The following HMG20A variants were observed in gnomAD, a reference collection of about 807,000 sequenced individuals.
The protein encoded by HMG20A is high mobility group protein 20A.
Under a neutral mutation model 43.9 loss-of-function variants are expected in HMG20A, and 17 were observed. That is an observed-to-expected ratio of 0.39 (90% CI 0.27 to 0.58). The LOEUF (loss-of-function observed/expected upper bound fraction) is 0.58, where lower values mean the gene tolerates loss of function less well. HMG20A is among the 20% of genes least tolerant of loss of function. The probability of loss-of-function intolerance (pLI) is 0.59; values close to 1 mark genes in which losing one functional copy is unlikely to be tolerated. For missense variants in HMG20A, 341 were observed against 438.2 expected (o/e 0.78, Z 1.98); for synonymous variants, 132 against 147.5 (o/e 0.89, Z 0.76).
chr15:77,480,718 CCTT>C (rs1342013811), intron 9 of HMG20A, among the ~76,000 whole-genome samples: 1 of 131,320 alleles, frequency 7.6e-6, no homozygotes, highest in East Asian at 2.3e-4. Flanking sequence ...TAGTATGTAT[CCTT>C]TTTTTTTTTT....
At chr15:77,516,100 G>A in the HMG20A span, among the ~76,000 whole-genome samples, 1 of 152,164 alleles carries the variant, frequency 6.6e-6, no homozygotes, top group Non-Finnish European at 1.5e-5. Flanking sequence ...CACTGGGCAA[G>A]GTATAAATAC....
Position 77,479,321 on chromosome 15 carries a change from G to A in HMG20A, c.*6G>A. 1 of 1,613,172 alleles carries A rather than the reference G, an allele frequency of 6.2e-7. No individual in the cohort carries two copies. Among genetic ancestry groups the A allele is most frequent in the Non-Finnish European group, 8.5e-7 (1 of 1,179,696 alleles). On this transcript the variant is annotated splice_region_variant and 3_prime_UTR_variant, in exon 9 of 10. Coordinates refer to ENST00000336216, the MANE Select transcript of HMG20A (RefSeq NM_001304504.2). The stretch of plus-strand genomic sequence containing the variant: ...TGAACAGACTCGATCGTTAGGGAAT[G>A]GTGAGTGCTCACTGATAAATATTTA...
At chr15:77,435,495 T>C (rs2073536470) in intron 1 of HMG20A, among the ~76,000 whole-genome samples, 1 of 152,244 alleles carries the variant, frequency 6.6e-6, no homozygotes, top group East Asian at 1.9e-4. Context: ...GGTTTCACCA[T>C]GTTGGCCAGG....
the HMG20A span, among the ~76,000 whole-genome samples, chr15:77,495,444 G>C: frequency 5.3e-5 from 8 of 152,212 alleles, no homozygotes; most frequent in African/African-American, 1.9e-4. Flanking sequence ...AGCTACTCGG[G>C]AGGCTGAGGC....
intron 2 of HMG20A, among the ~76,000 whole-genome samples, chr15:77,461,864 C>T (rs986721609): frequency 2.0e-5 from 3 of 152,132 alleles, no homozygotes; most frequent in African/African-American, 4.8e-5. Context: ...AGTTGCCTAA[C>T]ACATCTAAAA....
At chr15:77,423,253 T>A (rs1343298541) in intron 1 of HMG20A, among the ~76,000 whole-genome samples, 1 of 152,142 alleles carries the variant, frequency 6.6e-6, no homozygotes, top group East Asian at 1.9e-4. Flanking sequence ...TGGCAGTTAT[T>A]CATTGGTTCC....
intron 6 of HMG20A, among the ~76,000 whole-genome samples, chr15:77,472,293 G>A (rs2072816546): frequency 6.6e-6 from 1 of 151,828 alleles, no homozygotes; most frequent in Admixed American, 6.6e-5. Context: ...TTGTTTTTTT[G>A]AGATAGAGTC....
chr15:77,487,155 C>T (rs1042188157), downstream of HMG20A, among the ~76,000 whole-genome samples: 6 of 152,184 alleles, frequency 3.9e-5, no homozygotes, highest in African/African-American at 2.4e-5. Context: ...TCTAAAGAGT[C>T]TTCCTGGAAA....
the HMG20A span, among the ~76,000 whole-genome samples, chr15:77,502,579 C>T: frequency 6.6e-6 from 1 of 152,168 alleles, no homozygotes; most frequent in Non-Finnish European, 1.5e-5. Context: ...ATGTCCTGTC[C>T]AGATTGGGAG....
the HMG20A span, among the ~76,000 whole-genome samples, chr15:77,499,869 G>A: frequency 2.0e-5 from 3 of 149,188 alleles, no homozygotes; most frequent in Non-Finnish European, 4.4e-5. Flanking sequence ...TCACTCTGTC[G>A]CCCAGCCTGG....
intron 3 of HMG20A, 23 bp from the exon 4 acceptor site, chr15:77,467,069 GTTT>G (rs1458416009): frequency 6.3e-7 from 1 of 1,588,326 alleles, no homozygotes; most frequent in Non-Finnish European, 8.6e-7. Flanking sequence ...TTGGTTTTTG[GTTT>G]TTTATTTTGT....
chr15:77,503,189 C>A, the HMG20A span, among the ~76,000 whole-genome samples: 1 of 152,164 alleles, frequency 6.6e-6, no homozygotes, highest in South Asian at 2.1e-4. Context: ...GTTGCAAGAA[C>A]AACTTTACAC....
chr15:77,460,933 C>T (rs2072699068), intron 2 of HMG20A, among the ~76,000 whole-genome samples: 1 of 152,108 alleles, frequency 6.6e-6, no homozygotes, highest in African/African-American at 2.4e-5. Flanking sequence ...TTGCAGTGAG[C>T]TGTGATCGTG....
chr15:77,479,773 C>T (rs931680692), intron 9 of HMG20A, among the ~76,000 whole-genome samples: 2 of 152,104 alleles, frequency 1.3e-5, no homozygotes, highest in Admixed American at 1.3e-4. Flanking sequence ...ATCCCCAAAA[C>T]AGCACTCAGA....
downstream of HMG20A, among the ~76,000 whole-genome samples, chr15:77,487,143 C>T (rs553807808): frequency 1.3e-5 from 2 of 152,242 alleles, no homozygotes; most frequent in Non-Finnish European, 2.9e-5. Context: ...GAGTCAGGGC[C>T]CTCTAAAGAG....
At chr15:77,439,504 G>A (rs565294966) in intron 1 of HMG20A, among the ~76,000 whole-genome samples, 9 of 151,988 alleles carry the variant, frequency 5.9e-5, no homozygotes, top group East Asian at 1.9e-4. Context: ...ATTTATTCTC[G>A]TGGGTCTGGC....
intron 6 of HMG20A, among the ~76,000 whole-genome samples, chr15:77,473,737 G>A (rs534584358): frequency 6.6e-6 from 1 of 152,320 alleles, no homozygotes; most frequent in African/African-American, 2.4e-5. Flanking sequence ...TTTGCAAAAA[G>A]AAGTGAGTCT....
chr15:77,499,661 T>G, the HMG20A span, among the ~76,000 whole-genome samples: 1 of 152,126 alleles, frequency 6.6e-6, no homozygotes, highest in African/African-American at 2.4e-5. Context: ...CATTGTTTTG[T>G]TTTTCCTCTT....
chr15:77,434,437 T>G (rs1481337145), intron 1 of HMG20A, among the ~76,000 whole-genome samples: 1 of 152,104 alleles, frequency 6.6e-6, no homozygotes. Flanking sequence ...CAAAAGACAT[T>G]ATGAGAGTGA....
Sources: allele counts gnomAD v4.1 joint callset (sites outside exome capture counted in the v4.1 genomes callset), GRCh38; gene constraint gnomAD v4.1.1; transcripts MANE v1.5; gene names NCBI Gene and HGNC (gene_info 2026-07-23, HGNC 2026-07-21).